OSBPL10: variants seen among roughly 807,000 people sequenced by gnomAD.
The protein encoded by OSBPL10 is oxysterol-binding protein-related protein 10.
A neutral mutation model predicts 81.7 loss-of-function variants in OSBPL10; 49 were observed. The observed-to-expected ratio is 0.60, with a 90% confidence interval of 0.48 to 0.76. OSBPL10 has a LOEUF of 0.76. OSBPL10 is among the 30% of genes least tolerant of loss of function. OSBPL10 has a pLI of 0.00. For synonymous variants in OSBPL10, 419 were observed against 383.6 expected, an observed-to-expected ratio of 1.09 and a Z score of -1.08; for missense variants, 923 against 987.8, an observed-to-expected ratio of 0.93 and a Z score of 0.88.
chr3:32,074,601 T>C (rs1699858714), intron 1 of OSBPL10, among the ~76,000 whole-genome samples: 1 of 152,180 alleles, frequency 6.6e-6, no homozygotes, highest in African/African-American at 2.4e-5. Context: ...CCCCTGCTCA[T>C]CTGAATCTCC....
At chr3:31,913,750 GA>G (rs1696661149) in intron 1 of OSBPL10, among the ~76,000 whole-genome samples, 1 of 152,132 alleles carries the variant, frequency 6.6e-6, no homozygotes, top group African/African-American at 2.4e-5. Flanking sequence ...TTACTGACAA[GA>G]AGCGTTTTTT....
At chr3:31,828,282 A>G (rs1042945734) in intron 4 of OSBPL10, among the ~76,000 whole-genome samples, 3 of 152,208 alleles carry the variant, frequency 2.0e-5, no homozygotes, top group African/African-American at 7.2e-5. Flanking sequence ...CTATTCTTTA[A>G]AATACTCTAG....
At chr3:31,742,712 T>G (rs908645079) in intron 5 of OSBPL10, among the ~76,000 whole-genome samples, 1 of 152,064 alleles carries the variant, frequency 6.6e-6, no homozygotes, top group South Asian at 2.1e-4. Context: ...TGCAAGCAAA[T>G]AGCAAATCAA....
rs972468139 is a variant in OSBPL10 at position 31,702,386 on chromosome 3, T to C, written c.1218A>G (p.Gln406=). The change falls in exon 7 of 12, where the codon CAA becomes CAG. Residue 406 remains glutamine, a synonymous_variant. Coordinates refer to ENST00000396556, the MANE Select transcript of OSBPL10 (RefSeq NM_017784.5). ...QRSIILHLIS[Q]LKLGMDLTKV... ...TGGTCAAATCCATTCCAAGTTTGAG[T>C]TGTGAAATGAGATGAAGAATTATAC... 2.7e-5 allele frequency: 44 copies of C among 1,614,100 alleles called. No homozygotes were observed. Among genetic ancestry groups the C allele is most frequent in the Non-Finnish European group, 3.4e-5 (40 of 1,180,008 alleles).
At chr3:31,895,229 T>G (rs1051406104) in intron 1 of OSBPL10, among the ~76,000 whole-genome samples, 4 of 151,030 alleles carry the variant, frequency 2.6e-5, no homozygotes, top group African/African-American at 7.3e-5. Flanking sequence ...TCTCCCGGGT[T>G]GACGCCATTC....
chr3:31,687,771 T>C (rs1383604381), intron 7 of OSBPL10, among the ~76,000 whole-genome samples: 1 of 152,050 alleles, frequency 6.6e-6, no homozygotes, highest in African/African-American at 2.4e-5. Flanking sequence ...GCTGCTGTCA[T>C]GGATTAAGAA....
intron 6 of OSBPL10, chr3:31,707,158 C>G (rs748497669): frequency 6.6e-6 from 1 of 152,200 alleles, no homozygotes; most frequent in Non-Finnish European, 1.5e-5. Context: ...GTTCCATTAC[C>G]TAACCATTAA....
chr3:31,698,972 G>T (rs746614321), intron 7 of OSBPL10, among the ~76,000 whole-genome samples: 1 of 152,134 alleles, frequency 6.6e-6, no homozygotes, highest in Non-Finnish European at 1.5e-5. Flanking sequence ...CCCCATCAGG[G>T]CATGGATTCT....
chr3:31,730,211 C>T (rs1696929791), intron 6 of OSBPL10, among the ~76,000 whole-genome samples: 1 of 152,034 alleles, frequency 6.6e-6, no homozygotes, highest in Non-Finnish European at 1.5e-5. Context: ...TGTGATGGCG[C>T]CTGCCTGTAA....
intron 2 of OSBPL10, among the ~76,000 whole-genome samples, chr3:32,034,083 G>A (rs539934097): frequency 1.1e-4 from 17 of 152,248 alleles, no homozygotes; most frequent in African/African-American, 4.1e-4. Context: ...GGAAATGCCA[G>A]ATGCTTATAA....
intron 2 of OSBPL10, among the ~76,000 whole-genome samples, chr3:32,003,103 G>A (rs1281735260): frequency 1.3e-5 from 2 of 152,240 alleles, no homozygotes; most frequent in Admixed American, 1.3e-4. Flanking sequence ...AGAGGCACCA[G>A]AGTGGGGCAG....
chr3:31,902,425 G>A (rs1696274837), intron 1 of OSBPL10, among the ~76,000 whole-genome samples: 1 of 151,818 alleles, frequency 6.6e-6, no homozygotes, highest in Non-Finnish European at 1.5e-5. Flanking sequence ...ACCACACCCA[G>A]CTAATTTTTA....
intron 8 of OSBPL10, among the ~76,000 whole-genome samples, chr3:31,678,066 C>A (rs374112970): frequency 1.6e-5 from 2 of 127,046 alleles, no homozygotes; most frequent in African/African-American, 3.2e-5. Flanking sequence ...CCGGCCTGGG[C>A]GACAGAGCGA....
chr3:32,008,557 C>A (rs1211447001), intron 2 of OSBPL10, among the ~76,000 whole-genome samples: 1 of 142,394 alleles, frequency 7.0e-6, no homozygotes, highest in East Asian at 2.2e-4. Context: ...ATGGCCAAAC[C>A]CCGTTTCTAC....
rs559448162 is a variant in OSBPL10 at position 32,069,192 on chromosome 3, A to G, written n.185+8204T>C. Among the ~76,000 whole-genome samples the G allele has an allele frequency of 3.3e-5, 5 of 152,242 alleles. No individual in the cohort carries two copies. In the East Asian group the frequency reaches 9.6e-4, roughly 29 times the overall value. ...AATATATACAGGAATTCCGATATCT[A>G]ACTCTGTCCTACAATTTAACTTAGA... On this transcript the variant is annotated intron_variant and non_coding_transcript_variant, in intron 1 of 3. Coordinates refer to the OSBPL10 transcript ENST00000479173.
intron 4 of OSBPL10, among the ~76,000 whole-genome samples, chr3:31,792,691 G>C (rs1287239461): frequency 6.6e-6 from 1 of 150,850 alleles, no homozygotes; most frequent in Admixed American, 6.6e-5. Context: ...GGTGTTGTGG[G>C]GGTGTGCAGG....
chr3:31,871,058 G>A (rs1039280124), intron 3 of OSBPL10, among the ~76,000 whole-genome samples: 8 of 152,182 alleles, frequency 5.3e-5, no homozygotes, highest in Non-Finnish European at 1.0e-4. Flanking sequence ...TCAGCAGGAC[G>A]TGGGTGGGGC....
chr3:31,742,002 C>A (rs1367299808), intron 5 of OSBPL10, among the ~76,000 whole-genome samples: 3 of 152,204 alleles, frequency 2.0e-5, no homozygotes, highest in African/African-American at 7.2e-5. Flanking sequence ...CCAATAAACC[C>A]CTTTCTTTTG....
chr3:32,043,675 T>C (rs1306949521), intron 2 of OSBPL10, among the ~76,000 whole-genome samples: 1 of 151,990 alleles, frequency 6.6e-6, no homozygotes, highest in East Asian at 1.9e-4. Flanking sequence ...GCACTACGTG[T>C]AGCAGGGAGC....
Sources: gnomAD v4.1 joint callset for allele counts (sites outside exome capture counted in the v4.1 genomes callset) on GRCh38, gnomAD v4.1.1 for gene constraint, MANE v1.5 for transcripts, NCBI Gene and HGNC (gene_info 2026-07-23, HGNC 2026-07-21) for gene names.